GRAMD4: variants seen among roughly 807,000 people sequenced by gnomAD.
GRAMD4 encodes the protein GRAM domain containing 4.
Under a neutral mutation model 83.9 loss-of-function variants are expected in GRAMD4, and 25 were observed. That is an observed-to-expected ratio of 0.30 (90% CI 0.22 to 0.42). The LOEUF (loss-of-function observed/expected upper bound fraction) is 0.42, where lower values mean the gene tolerates loss of function less well. Among genes scored for constraint, GRAMD4 ranks in the 10% least tolerant of loss-of-function variants. The probability of loss-of-function intolerance (pLI) is 1.00; values close to 1 mark genes in which losing one functional copy is unlikely to be tolerated. For missense variants in GRAMD4, 593 were observed against 788.7 expected, an observed-to-expected ratio of 0.75 and a Z score of 2.97; for synonymous variants, 336 against 320.9, an observed-to-expected ratio of 1.05 and a Z score of -0.50.
chr22:46,651,047 C>G (rs577105843), intron 3 of GRAMD4, among the ~76,000 whole-genome samples: 84 of 152,340 alleles, frequency 5.5e-4, no homozygotes, highest in African/African-American at 1.9e-3. Context: ...GGTGGCCATC[C>G]TGGTTTCCCT....
At chr22:46,644,034 T>C (rs927160068) in intron 3 of GRAMD4, among the ~76,000 whole-genome samples, 15 of 152,210 alleles carry the variant, frequency 9.9e-5, no homozygotes, top group Non-Finnish European at 1.5e-4. Flanking sequence ...CCAACTGAAA[T>C]TTTTTATAAA....
intron 2 of GRAMD4, among the ~76,000 whole-genome samples, chr22:46,633,865 C>T (rs974024543): frequency 6.6e-6 from 1 of 152,116 alleles, no homozygotes; most frequent in Non-Finnish European, 1.5e-5. Context: ...GGGGCTGGGA[C>T]TTGGGATCCT....
chr22:46,591,504 C>T (rs991178658), intron 1 of GRAMD4, among the ~76,000 whole-genome samples: 1 of 151,996 alleles, frequency 6.6e-6, no homozygotes. Flanking sequence ...CAGAGGCTAA[C>T]GGACATTGCT....
At position 46,663,694 on chromosome 22, in the gene GRAMD4, A is replaced by G. The variant is rs1038854935; in HGVS notation, c.600-144A>G. On this transcript the variant is annotated intron_variant, in intron 6 of 18. Coordinates refer to ENST00000406902, the MANE Select transcript of GRAMD4 (RefSeq NM_015124.5). Reference sequence around the variant, plus strand: ...ACCCTGCTGTGCTGAGCCGCCGTGCATGGCCATTCTGTGCACTCAAGGGGT... The same window carrying G: ...ACCCTGCTGTGCTGAGCCGCCGTGCGTGGCCATTCTGTGCACTCAAGGGGT... 9 of 772,278 alleles carry G rather than the reference A, an allele frequency of 1.2e-5. No homozygotes were observed. In the East Asian group the frequency reaches 2.0e-4, roughly 17 times the overall value. 47.8% of individuals were successfully genotyped at this position (772,278 alleles called of 1,614,324 possible).
chr22:46,682,348 A>G (rs1305937473), downstream of GRAMD4: 46 of 771,748 alleles, frequency 6.0e-5, no homozygotes, highest in Non-Finnish European at 6.9e-5. Context: ...ACGATTGTAA[A>G]GAAGACATTC....
chr22:46,659,781 C>T lies in GRAMD4; in HGVS notation c.404+1474C>T, dbSNP rs1024253948. 6.6e-6 allele frequency among the ~76,000 whole-genome samples: 1 copy of T among 152,194 alleles called. No homozygotes were observed. Among genetic ancestry groups the T allele is most frequent in the Non-Finnish European group, 1.5e-5 (1 of 68,028 alleles). ...AGGGAGAGGCCTCACTTTCCTATTC[C>T]GCCCTGGCAGAACCTCCCAGACCAG... On this transcript the variant is annotated intron_variant, in intron 4 of 18. Transcript: ENST00000406902. This position sits in a 1 kb window ranked among gnomAD's most constrained non-coding sequence, Gnocchi z 4.1.
chr22:46,622,911 C>CT lies in GRAMD4; in HGVS notation c.-50+2347dup, dbSNP rs1230384025. Among the ~76,000 whole-genome samples the CT allele has an allele frequency of 3.5e-5, 4 of 114,602 alleles. No homozygotes were observed. The highest frequency in any genetic ancestry group is 2.7e-4 in the East Asian group (1 of 3,642). 75.2% of individuals were successfully genotyped at this position (114,602 alleles called of 152,430 possible). Reference sequence around the variant, plus strand: ...TGGGCGACAGAGCAAGACTCCATCTCTAAAAAAAAAAAAAAAAAAACTGAT... The same window carrying CT: ...TGGGCGACAGAGCAAGACTCCATCTCTTAAAAAAAAAAAAAAAAAAACTGAT... On this transcript the variant is annotated intron_variant, in intron 1 of 18. Coordinates refer to ENST00000406902, the MANE Select transcript of GRAMD4 (RefSeq NM_015124.5). The surrounding 1 kb of genome is among the most constrained non-coding windows in gnomAD (Gnocchi z 4.0).
intron 3 of GRAMD4, among the ~76,000 whole-genome samples, chr22:46,643,327 G>C (rs368142049): frequency 0.13 from 2,953 of 22,036 alleles, 77 homozygotes; most frequent in Middle Eastern, 0.17. Flanking sequence ...ATCCATCCAT[G>C]CATCTATCCA....
At chr22:46,625,917 C>T (rs895998049) in intron 1 of GRAMD4, among the ~76,000 whole-genome samples, 5 of 152,222 alleles carry the variant, frequency 3.3e-5, no homozygotes, top group Non-Finnish European at 5.9e-5. Flanking sequence ...CACAGTGACT[C>T]GCACCTCAGT....
chr22:46,680,783 C>T (rs1407668312), downstream of GRAMD4, among the ~76,000 whole-genome samples: 2 of 137,148 alleles, frequency 1.5e-5, no homozygotes, highest in African/African-American at 3.0e-5. Flanking sequence ...TCCATCCACC[C>T]ACCCACCTAT....
chr22:46,630,249 C>T (rs912913315), intron 2 of GRAMD4, among the ~76,000 whole-genome samples: 1 of 152,158 alleles, frequency 6.6e-6, no homozygotes, highest in African/African-American at 2.4e-5. Context: ...TGTTCTCGAA[C>T]TCCTGAGCTC....
intron 8 of GRAMD4, among the ~76,000 whole-genome samples, chr22:46,664,996 G>A (rs1488069525): frequency 1.3e-5 from 2 of 152,222 alleles, no homozygotes; most frequent in Admixed American, 1.3e-4. Flanking sequence ...TGGGACCACC[G>A]GCTTCACCCT....
intron 18 of GRAMD4, 137 bp from the exon 19 acceptor site, chr22:46,677,010 G>A: frequency 1.0e-6 from 1 of 958,328 alleles, no homozygotes; most frequent in South Asian, 1.5e-5. Flanking sequence ...CGGGTGGTGG[G>A]GAGACACCTG....
Position 46,659,238 on chromosome 22 carries a change from C to A in GRAMD4, c.404+931C>A, listed in dbSNP as rs1241145271. 7.9e-6 allele frequency among the ~76,000 whole-genome samples: 1 copy of A among 126,458 alleles called. No individual in the cohort carries two copies. Among genetic ancestry groups the A allele is most frequent in the Non-Finnish European group, 1.7e-5 (1 of 59,078 alleles). 83.0% of individuals were successfully genotyped at this position (126,458 alleles called of 152,430 possible). On this transcript the variant is annotated intron_variant, in intron 4 of 18. Coordinates refer to ENST00000406902, the MANE Select transcript of GRAMD4 (RefSeq NM_015124.5). The surrounding 1 kb of genome is among the most constrained non-coding windows in gnomAD (Gnocchi z 4.1). ...CGGCCTCCCTCTCAGCCTCCACTCC[C>A]TCAGCCTCCCCCCTCAGTCTCCACC...
At chr22:46,588,154 C>T (rs528962715) in intron 1 of GRAMD4, among the ~76,000 whole-genome samples, 18 of 152,210 alleles carry the variant, frequency 1.2e-4, no homozygotes, top group African/African-American at 4.3e-4. Context: ...AGCTGTGACT[C>T]AGGATAGGCA....
At chr22:46,589,603 G>C (rs2081186632) in intron 1 of GRAMD4, among the ~76,000 whole-genome samples, 1 of 152,118 alleles carries the variant, frequency 6.6e-6, no homozygotes, top group South Asian at 2.1e-4. Flanking sequence ...CTGCTTTGCA[G>C]GTGAGTAAGC....
chr22:46,637,572 A>T (rs2081909289), intron 2 of GRAMD4, among the ~76,000 whole-genome samples: 1 of 152,170 alleles, frequency 6.6e-6, no homozygotes. Flanking sequence ...AGCCAGCCTT[A>T]CAGGGGCTCT....
At chr22:46,644,375 C>G (rs1449207358) in intron 3 of GRAMD4, among the ~76,000 whole-genome samples, 1 of 152,110 alleles carries the variant, frequency 6.6e-6, no homozygotes, top group Admixed American at 6.5e-5. Flanking sequence ...TTCTGGGTTA[C>G]ACCTGTCCCT....
intron 6 of GRAMD4, among the ~76,000 whole-genome samples, chr22:46,663,571 G>A (rs931533948): frequency 1.3e-5 from 2 of 152,242 alleles, no homozygotes; most frequent in African/African-American, 2.4e-5. Flanking sequence ...GAGGACTTCT[G>A]TTCTGGGGAC....
Sources: gnomAD v4.1 joint callset for allele counts (sites outside exome capture counted in the v4.1 genomes callset) on GRCh38, gnomAD v4.1.1 for gene constraint, Gnocchi (gnomAD v3.1) non-coding constraint, MANE v1.5 for transcripts, NCBI Gene and HGNC (gene_info 2026-07-23, HGNC 2026-07-21) for gene names.